Variants in GABRG2 observed in about 807,000 individuals in gnomAD.
The protein encoded by GABRG2 is gamma-aminobutyric acid receptor subunit gamma-2.
Under a neutral mutation model 56.4 loss-of-function variants are expected in GABRG2, and 16 were observed. The ratio of observed to expected loss-of-function variants is 0.28; its 90% CI spans 0.19 to 0.43. GABRG2 has a LOEUF of 0.43. GABRG2 is among the 20% of genes least tolerant of loss of function. GABRG2 has a pLI of 1.00. For synonymous variants in GABRG2, 208 were observed against 205.5 expected, an observed-to-expected ratio of 1.01 and a Z score of -0.10; for missense variants, 327 against 582.7, an observed-to-expected ratio of 0.56 and a Z score of 4.52.
intron 1 of GABRG2, among the ~76,000 whole-genome samples, chr5:162,084,915 A>G (rs1281316809): frequency 2.6e-5 from 4 of 151,866 alleles, no homozygotes; most frequent in South Asian, 2.1e-4. Context: ...CCATGTTATC[A>G]TTATAGTCCA....
At chr5:162,132,515 C>T (rs1445296366) in intron 6 of GABRG2, among the ~76,000 whole-genome samples, 2 of 151,990 alleles carry the variant, frequency 1.3e-5, no homozygotes, top group East Asian at 1.9e-4. Flanking sequence ...GGGATTACAA[C>T]TCTGACAAAT....
rs148931365 is a variant in GABRG2, at chr5:162,138,357, A to G, written c.770-3807A>G. 1.5e-4 allele frequency among the ~76,000 whole-genome samples: 23 copies of G among 152,304 alleles called. No individual in the cohort carries two copies. In the East Asian group the frequency reaches 3.9e-3, roughly 26 times the overall value. On this transcript the variant is annotated intron_variant, in intron 6 of 9. Coordinates refer to ENST00000639213, the MANE Select transcript of GABRG2 (RefSeq NM_198904.4). ...CAAGCCTTTGGTCAAAATCAGCCTC[A>G]TGGAATTATGTCCCCAATTCAAGTG...
At chr5:162,135,110 C>A (rs979012397) in intron 6 of GABRG2, among the ~76,000 whole-genome samples, 3 of 152,136 alleles carry the variant, frequency 2.0e-5, no homozygotes, top group Admixed American at 1.3e-4. Context: ...GCAGCCAAAC[C>A]CATTTGTTCT....
intron 1 of GABRG2, among the ~76,000 whole-genome samples, chr5:162,069,877 T>C (rs1426705103): frequency 6.6e-6 from 1 of 152,154 alleles, no homozygotes; most frequent in Non-Finnish European, 1.5e-5. Flanking sequence ...AAAGAAAATA[T>C]CTTTCCCCTA....
At chr5:162,146,230 A>G (rs1764939419) in intron 7 of GABRG2, among the ~76,000 whole-genome samples, 1 of 152,050 alleles carries the variant, frequency 6.6e-6, no homozygotes, top group East Asian at 1.9e-4. Flanking sequence ...TTTTTCATGT[A>G]TTTATGGAGC....
intron 6 of GABRG2, among the ~76,000 whole-genome samples, chr5:162,138,147 C>T (rs1049336712): frequency 6.6e-6 from 1 of 152,090 alleles, no homozygotes; most frequent in African/African-American, 2.4e-5. Flanking sequence ...TTATGTTATA[C>T]TTGACAAAGC....
intron 6 of GABRG2, 32 bp from the exon 7 acceptor site, chr5:162,142,132 G>T (rs775613235): frequency 3.1e-6 from 5 of 1,610,220 alleles, no homozygotes; most frequent in African/African-American, 1.3e-5. Context: ...ATTGATAAAG[G>T]GTTGTATGGT....
chr5:162,074,368 A>G (rs1309730050), intron 1 of GABRG2, among the ~76,000 whole-genome samples: 1 of 152,046 alleles, frequency 6.6e-6, no homozygotes, highest in Non-Finnish European at 1.5e-5. Context: ...TAAGTACCAA[A>G]CAACATAATC....
At chr5:162,076,036 T>G (rs1365659909) in intron 1 of GABRG2, among the ~76,000 whole-genome samples, 1 of 151,852 alleles carries the variant, frequency 6.6e-6, no homozygotes, top group African/African-American at 2.4e-5. Flanking sequence ...CCTGTGGTCC[T>G]AGCTTCTTGG....
At chr5:162,092,497 A>G (rs988995117) in intron 1 of GABRG2, among the ~76,000 whole-genome samples, 1 of 152,184 alleles carries the variant, frequency 6.6e-6, no homozygotes. Flanking sequence ...GATTAATTAC[A>G]TAATCATCTT....
intron 6 of GABRG2, among the ~76,000 whole-genome samples, chr5:162,134,908 G>A (rs1416140365): frequency 1.3e-5 from 2 of 151,992 alleles, no homozygotes; most frequent in South Asian, 4.2e-4. Context: ...TCCTGCCCTC[G>A]GTGGATATTC....
chr5:162,082,251 G>A (rs1759726065), intron 1 of GABRG2, among the ~76,000 whole-genome samples: 1 of 151,772 alleles, frequency 6.6e-6, no homozygotes, highest in Non-Finnish European at 1.5e-5. Flanking sequence ...GCAGCCGTTT[G>A]TAAGAGATGA....
chr5:162,097,972 A>T (rs976004194), intron 4 of GABRG2, 114 bp downstream of exon 4: 1 of 910,776 alleles, frequency 1.1e-6, no homozygotes, highest in Non-Finnish European at 1.7e-6. Flanking sequence ...TCAAGACTGC[A>T]TCAGGGTTGG....
intron 6 of GABRG2, among the ~76,000 whole-genome samples, chr5:162,104,470 A>G (rs1467965252): frequency 6.6e-6 from 1 of 152,140 alleles, no homozygotes. Context: ...CCATCAGTGG[A>G]TAATAGAACA....
intron 9 of GABRG2, 136 bp from the exon 10 acceptor site, chr5:162,152,957 T>C: frequency 9.7e-7 from 1 of 1,034,478 alleles, no homozygotes; most frequent in Non-Finnish European, 1.5e-6. Flanking sequence ...TTTACCATTG[T>C]AGATCATGAT....
intron 6 of GABRG2, among the ~76,000 whole-genome samples, chr5:162,111,141 T>C (rs988611817): frequency 2.0e-5 from 3 of 152,188 alleles, no homozygotes; most frequent in Non-Finnish European, 2.9e-5. Flanking sequence ...AGAATGTTTT[T>C]CCTTGATCAA....
intron 8 of GABRG2, chr5:162,150,644 T>C (rs774835996): frequency 6.6e-6 from 1 of 152,202 alleles, no homozygotes; most frequent in Non-Finnish European, 1.5e-5. Flanking sequence ...AATAACGCTC[T>C]ACCTATCCAA....
chr5:162,118,047 T>C (rs186652010), intron 6 of GABRG2, among the ~76,000 whole-genome samples: 3 of 152,236 alleles, frequency 2.0e-5, no homozygotes, highest in African/African-American at 4.8e-5. Context: ...GATTTTAGAC[T>C]CAGCCCCAGA....
Position 162,067,984 on chromosome 5 carries a change from GAAA to G in GABRG2, c.-6_-4del, listed in dbSNP as rs771282908. The G allele has an allele frequency of 1.9e-5, 24 of 1,263,140 alleles. No individual in the cohort carries two copies. The highest frequency in any genetic ancestry group is 2.5e-5 in the South Asian group (2 of 79,732). 78.2% of individuals were successfully genotyped at this position (1,263,140 alleles called of 1,614,324 possible). A position where few individuals can be genotyped will look rare whatever the true frequency, so the allele number is the denominator to read the frequency against. On this transcript the variant is annotated 5_prime_UTR_variant, in exon 1 of 10. Transcript: ENST00000639213. ...ACCAAGAGGCAAGAGGCGAGAGAAG[GAAA>G]AAAAAAAAAGCGATGAGTTCGCCAA...
Sources: allele counts gnomAD v4.1 joint callset (sites outside exome capture counted in the v4.1 genomes callset), GRCh38; gene constraint gnomAD v4.1.1; transcripts MANE v1.5; gene names NCBI Gene and HGNC (gene_info 2026-07-23, HGNC 2026-07-21).